C4orf33: variants seen among roughly 807,000 people sequenced by gnomAD.
C4orf33 encodes UPF0462 protein C4orf33.
Under a neutral mutation model 24.3 loss-of-function variants are expected in C4orf33, and 20 were observed. That is an observed-to-expected ratio of 0.82 (90% CI 0.58 to 1.19). The LOEUF (loss-of-function observed/expected upper bound fraction) is 1.19. Ranked by LOEUF, C4orf33 falls within the 50% of genes most tolerant of loss-of-function variation. The pLI is 0.00. For missense variants in C4orf33, 207 were observed against 225.9 expected (o/e 0.92, Z 0.54); for synonymous variants, 67 against 76.4 (o/e 0.88, Z 0.64).
rs753094627 is a variant in C4orf33 at position 129,111,975 on chromosome 4, G to A, written c.*184G>A. ...TTAACAAGAAAATATATGATTCTTT[G>A]TAGATGATTTCATCTGTAAAGTCAC... On this transcript the variant is annotated 3_prime_UTR_variant, in exon 6 of 6. Coordinates refer to ENST00000425929, the MANE Select transcript of C4orf33 (RefSeq NM_001099783.2). 4 of 463,208 alleles carry A rather than the reference G, an allele frequency of 8.6e-6. No homozygotes were observed. The highest frequency in any genetic ancestry group is 1.5e-5 in the Non-Finnish European group (4 of 258,144). The allele number at this position is 463,208 out of a possible 1,614,324, so 28.7% of individuals were successfully genotyped here.
At chr4:129,110,362 A>G (rs1753657772) in intron 5 of C4orf33, among the ~76,000 whole-genome samples, 1 of 152,162 alleles carries the variant, frequency 6.6e-6, no homozygotes, top group South Asian at 2.1e-4. Flanking sequence ...ATGCTTTCTC[A>G]ATTTGAGTCT....
chr4:129,109,562 T>C lies in C4orf33; in HGVS notation c.384T>C (p.Asn128=). The C allele has an allele frequency of 6.2e-7, 1 of 1,614,056 alleles. No individual in the cohort carries two copies. Among genetic ancestry groups the C allele is most frequent in the Non-Finnish European group, 8.5e-7 (1 of 1,179,922 alleles). Residue 128 remains asparagine (N), a synonymous_variant, in exon 5 of 6, where the codon AAT becomes AAC. Coordinates refer to ENST00000425929, the MANE Select transcript of C4orf33 (RefSeq NM_001099783.2). ...AYLPWSYFPP[N]VTKFNSFAIH... is the part of the protein sequence containing the mutation. ...TCCCTTGGAGTTATTTTCCACCAAA[T>C]GTGACAAAATTCAATTCATTTGCAA...
Position 129,102,741 on chromosome 4 carries a change from C to T in C4orf33, c.131C>T (p.Ala44Val). Residue 44 changes from alanine (A) to valine (V), a missense_variant, in exon 2 of 6, where the codon GCC becomes GTC. Transcript: ENST00000425929. ...ISAPFFRDPP[A>V]PLGEPGKPFN... ...GCTCCATTTTTCAGGGATCCTCCAG[C>T]CCCACTTGGAGAACCAGGAAAACCT... 1 of 1,614,008 alleles carries T rather than the reference C, an allele frequency of 6.2e-7. No individual in the cohort carries two copies.
In C4orf33 at chr4:129,116,209, C is replaced by T. The variant is rs1038680816; in HGVS notation, c.*4418C>T. 4.0e-5 allele frequency: 6 copies of T among 151,676 alleles called. No individual in the cohort carries two copies. The allele number at this position is 151,676 out of a possible 1,614,324, so 9.4% of individuals were successfully genotyped here. On this transcript the variant is annotated 3_prime_UTR_variant, in exon 6 of 6. Transcript: ENST00000425929. ...ATTCTTTTCCATGTAATGGGATCTA[C>T]GAGTAAATTTTTGTCTGATATTTAT...
At chr4:129,100,662 T>C (rs1469636414) in intron 1 of C4orf33, 2 of 152,218 alleles carry the variant, frequency 1.3e-5, no homozygotes, top group Non-Finnish European at 2.9e-5. Flanking sequence ...CTTTAATGTA[T>C]GCAGAATTTT....
At position 129,113,919 on chromosome 4, in the gene C4orf33, C is replaced by T. The variant is rs1753736670; in HGVS notation, c.*2128C>T. On this transcript the variant is annotated 3_prime_UTR_variant, in exon 6 of 6. Transcript: ENST00000425929. ...GTGGATAAAGCAATTACAGTAAGCCCTCAGCCCTTTTCTCATGCCTCAAAG... is the reference window on the plus strand; with the variant it reads ...GTGGATAAAGCAATTACAGTAAGCCTTCAGCCCTTTTCTCATGCCTCAAAG... The T allele has an allele frequency of 6.6e-6, 1 of 152,132 alleles. No individual in the cohort carries two copies. The highest frequency in any genetic ancestry group is 2.4e-5 in the African/African-American group (1 of 41,406). The allele number at this position is 152,132 out of a possible 1,614,324, so 9.4% of individuals were successfully genotyped here.
rs143384175 is a variant in C4orf33, at chr4:129,097,616, T to C, written c.-10+1407T>C. Among the ~76,000 whole-genome samples, 95 of 152,360 alleles carry C rather than the reference T, an allele frequency of 6.2e-4. 1 individual carries two copies. In the East Asian group the frequency reaches 0.018, roughly 28 times the overall value. On this transcript the variant is annotated intron_variant, in intron 1 of 5. Coordinates refer to ENST00000425929, the MANE Select transcript of C4orf33 (RefSeq NM_001099783.2). ...ATTTAAGTTGCTTCCAACATTTTGTTATTATGAACAATGCTACCACAAATA... is the reference window on the plus strand; with the variant it reads ...ATTTAAGTTGCTTCCAACATTTTGTCATTATGAACAATGCTACCACAAATA...
intron 1 of C4orf33, 195 bp downstream of exon 1, chr4:129,096,404 G>A (rs988781289): frequency 3.9e-5 from 6 of 152,168 alleles, no homozygotes; most frequent in African/African-American, 1.4e-4. Context: ...CGGGGCCTCG[G>A]GGAGGTATGG....
chr4:129,107,255 G>T (rs1231970830), intron 3 of C4orf33, among the ~76,000 whole-genome samples: 3 of 151,870 alleles, frequency 2.0e-5, no homozygotes, highest in Non-Finnish European at 4.4e-5. Flanking sequence ...ATTAACCTTG[G>T]ACTCTCTTTG....
intron 1 of C4orf33, among the ~76,000 whole-genome samples, chr4:129,096,880 T>G (rs773926031): frequency 6.6e-6 from 1 of 152,174 alleles, no homozygotes; most frequent in Non-Finnish European, 1.5e-5. Flanking sequence ...ACCATACTCT[T>G]TTTAAGAGAA....
rs746578134 is a variant in C4orf33, at chr4:129,109,277, A to G, written c.243-30A>G. ...AAGAAAATAACATTCATGTTTTTCAAACACTCATGAGGAATCTTAATTTTG... is the reference window on the plus strand; with the variant it reads ...AAGAAAATAACATTCATGTTTTTCAGACACTCATGAGGAATCTTAATTTTG... On this transcript the variant is annotated intron_variant, in intron 3 of 5. Coordinates refer to ENST00000425929, the MANE Select transcript of C4orf33 (RefSeq NM_001099783.2). 8 of 1,600,072 alleles carry G rather than the reference A, an allele frequency of 5.0e-6. No homozygotes were observed. The African/African-American group carries it at 6.7e-5, about 13-fold the overall frequency.
At chr4:129,102,985 AAC>A (rs1753406961) in intron 2 of C4orf33, 194 bp downstream of exon 2, 1 of 453,398 alleles carries the variant, frequency 2.2e-6, no homozygotes, top group African/African-American at 2.0e-5. Context: ...ATATAACAAA[AAC>A]AGTTAAAAAA....
At chr4:129,107,993 C>CT (rs1753567753) in intron 3 of C4orf33, among the ~76,000 whole-genome samples, 1 of 151,960 alleles carries the variant, frequency 6.6e-6, no homozygotes, top group African/African-American at 2.4e-5. Flanking sequence ...AGTTTGGTTT[C>CT]TTATGTATCA....
In C4orf33 at chr4:129,109,374, T is replaced by G. The variant is rs1196264081; in HGVS notation, c.294+16T>G. ...TGTGTGGAAAGTAAGTAAATAAAAA[T>G]AGGAGGCAAAATCATTACGTACACA... is the stretch of plus-strand genomic sequence containing the variant. On this transcript the variant is annotated intron_variant, in intron 4 of 5. Coordinates refer to ENST00000425929, the MANE Select transcript of C4orf33 (RefSeq NM_001099783.2). 6.2e-7 allele frequency: 1 copy of G among 1,612,146 alleles called. No homozygotes were observed. The highest frequency in any genetic ancestry group is 8.5e-7 in the Non-Finnish European group (1 of 1,178,318).
intron 3 of C4orf33, among the ~76,000 whole-genome samples, chr4:129,107,521 T>G (rs1753554008): frequency 6.6e-6 from 1 of 152,032 alleles, no homozygotes; most frequent in African/African-American, 2.4e-5. Context: ...TAAATGAGAT[T>G]TGTAGATATT....
At chr4:129,098,276 G>A (rs551083795) in intron 1 of C4orf33, among the ~76,000 whole-genome samples, 18 of 152,270 alleles carry the variant, frequency 1.2e-4, no homozygotes, top group African/African-American at 4.3e-4. Flanking sequence ...CACCTGGGTA[G>A]TGAGCATAGT....
chr4:129,097,510 G>A (rs1327633220), intron 1 of C4orf33, among the ~76,000 whole-genome samples: 1 of 152,132 alleles, frequency 6.6e-6, no homozygotes, highest in Non-Finnish European at 1.5e-5. Context: ...ATTCAGAGCT[G>A]CCTCATTCAT....
chr4:129,101,430 TA>T (rs1481019726), intron 1 of C4orf33, among the ~76,000 whole-genome samples: 1 of 152,148 alleles, frequency 6.6e-6, no homozygotes, highest in East Asian at 1.9e-4. Context: ...GGTTATCAGG[TA>T]CTAAGTGAGA....
chr4:129,102,928 C>A (rs572240421), intron 2 of C4orf33, 137 bp downstream of exon 2: 7 of 643,442 alleles, frequency 1.1e-5, no homozygotes, highest in African/African-American at 5.7e-5. Context: ...TATTTCCTAC[C>A]AATCTCTCAT....
Sources: gnomAD v4.1 joint callset for allele counts (sites outside exome capture counted in the v4.1 genomes callset) on GRCh38, gnomAD v4.1.1 for gene constraint, MANE v1.5 for transcripts, NCBI Gene and HGNC (gene_info 2026-07-23, HGNC 2026-07-21) for gene names.